The following STYXL2 variants were observed in gnomAD, a reference collection of about 807,000 sequenced individuals.
STYXL2 encodes the protein serine/threonine/tyrosine-interacting-like protein 2.
In STYXL2, 44 loss-of-function variants were observed where a neutral mutation model predicts 52.4. The observed-to-expected ratio is 0.84, with a 90% CI of 0.66 to 1.08. The LOEUF is 1.08. Ranked by LOEUF, STYXL2 falls within the 50% of genes least tolerant of loss-of-function variation. STYXL2 has a pLI of 0.00. For missense variants in STYXL2, 1,604 were observed against 1,471.7 expected (o/e 1.09, Z -1.47); for synonymous variants, 604 against 586.9 (o/e 1.03, Z -0.42).
intron 3 of STYXL2, among the ~76,000 whole-genome samples, 183 bp from the exon 4 acceptor site, chr1:167,117,145 G>C (rs944870412): frequency 3.3e-5 from 5 of 152,218 alleles, no homozygotes; most frequent in Admixed American, 2.0e-4. Context: ...CTGATTACAA[G>C]TGTTTGGGCC....
chr1:167,111,629 G>A (rs1479463843), intron 2 of STYXL2, among the ~76,000 whole-genome samples: 1 of 151,536 alleles, frequency 6.6e-6, no homozygotes, highest in Non-Finnish European at 1.5e-5. Flanking sequence ...ATTATTGTAA[G>A]TGAAGTAACT....
intron 2 of STYXL2, among the ~76,000 whole-genome samples, chr1:167,113,488 A>T (rs535791732): frequency 6.6e-6 from 1 of 152,346 alleles, no homozygotes; most frequent in African/African-American, 2.4e-5. Flanking sequence ...ATTAAACATC[A>T]CACACCATCA....
intron 2 of STYXL2, among the ~76,000 whole-genome samples, chr1:167,112,093 C>T (rs1275794259): frequency 6.6e-6 from 1 of 152,098 alleles, no homozygotes; most frequent in African/African-American, 2.4e-5. Flanking sequence ...ACAAAGCTCA[C>T]CCTTAATCCA....
At chr1:167,106,037 A>T (rs1367924209) in intron 2 of STYXL2, among the ~76,000 whole-genome samples, 1 of 152,226 alleles carries the variant, frequency 6.6e-6, no homozygotes, top group Non-Finnish European at 1.5e-5. Flanking sequence ...AGAAGGAAAG[A>T]TGTTTCACAG....
Position 167,126,539 on chromosome 1 carries a change from T to C in STYXL2, c.1408T>C (p.Ser470Pro), listed in dbSNP as rs527890632. The change falls in exon 6 of 6, where the codon TCG becomes CCG. Residue 470 changes from serine (S) to proline (P), a missense_variant. Physicochemically the swap from Ser to Pro is moderately conservative, Grantham distance 74. Coordinates refer to ENST00000361200, the MANE Select transcript of STYXL2 (RefSeq NM_001080426.3). ...CCACGGCAGGAGGCGCCGCGCAGAC[T>C]CGATGTCCTCGGAGAGCACCTGGGA... The part of the protein sequence containing the change: ...PDHGRRRRAD[S>P]MSSESTWDAW... The C allele has an allele frequency of 1.9e-6, 3 of 1,613,630 alleles. No individual in the cohort carries two copies. The highest frequency in any genetic ancestry group is 4.5e-5 in the East Asian group (2 of 44,796).
chr1:167,094,917 G>A lies in STYXL2; in HGVS notation c.68G>A (p.Arg23Lys). 1 of 1,612,098 alleles carries A rather than the reference G, an allele frequency of 6.2e-7. No homozygotes were observed. Residue 23 changes from arginine to lysine, a missense_variant, in exon 2 of 6, where the codon AGG (arginine) becomes AAG (lysine). Physicochemically the swap from Arg to Lys is conservative, Grantham distance 26. Transcript: ENST00000361200. ...VPSEEDEANV[R>K]AVQAHYLRSP... is the part of the protein sequence containing the mutation. ...AGCGAGGAGGACGAAGCCAACGTGA[G>A]GGCGGTGCAGGCCCACTACCTCCGA...
intron 2 of STYXL2, among the ~76,000 whole-genome samples, chr1:167,112,626 T>A (rs115842227): frequency 8.7e-4 from 132 of 152,286 alleles, no homozygotes; most frequent in African/African-American, 2.9e-3. Context: ...CTAATCTAAA[T>A]GGTATCTGTG....
In STYXL2 at chr1:167,126,842, G is replaced by C. The variant is rs757874206; in HGVS notation, c.1711G>C (p.Gly571Arg). 1.2e-6 allele frequency: 2 copies of C among 1,614,150 alleles called. No individual in the cohort carries two copies. The change falls in exon 6 of 6, where the codon GGT becomes CGT. Residue 571 changes from glycine to arginine, a missense_variant. By Grantham distance (125) the Gly-to-Arg change is moderately radical. Transcript: ENST00000361200. ...AGCGGGAGACAGCAGCGGTGAGCCC[G>C]GTGCAGAGGAGGCAGTAGGGGAGAA... The part of the protein sequence containing the change: ...LGAGDSSGEP[G>R]AEEAVGEKNP...
Position 167,126,423 on chromosome 1 carries a change from G to C in STYXL2, c.1292G>C (p.Arg431Pro), listed in dbSNP as rs1408634050. Reference sequence around the variant, plus strand: ...GCTGGCTCCTCGGTGGGGAGGCGGCGGCGCACCCTGAGCGAGAGCAGCGCC... The same window carrying C: ...GCTGGCTCCTCGGTGGGGAGGCGGCCGCGCACCCTGAGCGAGAGCAGCGCC... ...SDAGSSVGRR[R>P]RTLSESSAWE... The change falls in exon 6 of 6, where the codon CGG becomes CCG. Residue 431 changes from arginine (R) to proline (P), a missense_variant. Physicochemically the swap from Arg to Pro is moderately radical, Grantham distance 103 (BLOSUM62 -2). Transcript: ENST00000361200. 15 of 1,562,644 alleles carry C rather than the reference G, an allele frequency of 9.6e-6. No homozygotes were observed. In the African/African-American group the frequency reaches 1.9e-4, roughly 20 times the overall value.
chr1:167,126,335 A>T lies in STYXL2; in HGVS notation c.1204A>T (p.Arg402Trp), dbSNP rs1166918599. Residue 402 changes from arginine to tryptophan, a missense_variant, in exon 6 of 6, where the codon AGG becomes TGG. Arg to Trp is a moderately radical substitution (Grantham distance 101, BLOSUM62 -3). Transcript: ENST00000361200. ...CCAGGAGTGGCAGAGCCGAAACGAG[A>T]GGTACCAAGCAGAAGGGTACCGGAG... ...IIQEWQSRNE[R>W]YQAEGYRRWG... 2 of 1,522,842 alleles carry T rather than the reference A, an allele frequency of 1.3e-6. No individual in the cohort carries two copies. The highest frequency in any genetic ancestry group is 1.8e-6 in the Non-Finnish European group (2 of 1,132,692). 94.3% of individuals were successfully genotyped at this position (1,522,842 alleles called of 1,614,324 possible). A position where few individuals can be genotyped will look rare whatever the true frequency, so the allele number is the denominator to read the frequency against.
intron 2 of STYXL2, among the ~76,000 whole-genome samples, chr1:167,112,979 C>A (rs1259118446): frequency 3.3e-5 from 5 of 152,120 alleles, no homozygotes. Context: ...GTCCCATCCC[C>A]ACCGCCATAG....
At chr1:167,110,313 G>T (rs1437039491) in intron 2 of STYXL2, among the ~76,000 whole-genome samples, 2 of 152,098 alleles carry the variant, frequency 1.3e-5, no homozygotes, top group Admixed American at 6.5e-5. Context: ...GACAAAGCAA[G>T]GTTCTTTAAC....
At position 167,113,842 on chromosome 1, in the gene STYXL2, T is replaced by A. The variant is rs182349253; in HGVS notation, c.205+38T>A. ...AAAGCTGGGTGGAAGCAAAGTCCAG[T>A]GGTCATCTGGAGACCCTTAGAGGGG... On this transcript the variant is annotated intron_variant, in intron 3 of 5. Coordinates refer to ENST00000361200, the MANE Select transcript of STYXL2 (RefSeq NM_001080426.3). 5 of 1,507,164 alleles carry A rather than the reference T, an allele frequency of 3.3e-6. No homozygotes were observed. In the African/African-American group the frequency reaches 4.1e-5, roughly 12 times the overall value. The allele number at this position is 1,507,164 out of a possible 1,614,324, so 93.4% of individuals were successfully genotyped here.
At chr1:167,101,861 G>C (rs958459087) in intron 2 of STYXL2, among the ~76,000 whole-genome samples, 1 of 151,732 alleles carries the variant, frequency 6.6e-6, no homozygotes, top group Non-Finnish European at 1.5e-5. Flanking sequence ...TTCATAGCAG[G>C]TTTATTTGTA....
chr1:167,116,330 C>A (rs1667721131), intron 3 of STYXL2, among the ~76,000 whole-genome samples: 2 of 152,114 alleles, frequency 1.3e-5, no homozygotes, highest in South Asian at 4.1e-4. Flanking sequence ...GCTTTTCTGA[C>A]CTGTTGTCAG....
intron 2 of STYXL2, 48 bp downstream of exon 2, chr1:167,095,007 C>CT (rs1667253926): frequency 2.7e-6 from 4 of 1,461,634 alleles, no homozygotes; most frequent in Admixed American, 2.0e-5. Context: ...CTGGGAGGGG[C>CT]TGGGGACAGG....
In STYXL2 at chr1:167,126,190, G is replaced by A. The variant is rs1232043619; in HGVS notation, c.1059G>A (p.Gln353=). ...AGGAGGAGGAGAAACTGTACGAGCAGTGGAAGAAGGGGCAGGGCCTCCTCT... is the reference window on the plus strand; with the variant it reads ...AGGAGGAGGAGAAACTGTACGAGCAATGGAAGAAGGGGCAGGGCCTCCTCT... ...DEEEEEKLYE[Q]WKKGQGLLSD... is the part of the protein sequence containing the mutation. Residue 353 remains glutamine, a synonymous_variant, in exon 6 of 6, where the codon CAG becomes CAA. Coordinates refer to ENST00000361200, the MANE Select transcript of STYXL2 (RefSeq NM_001080426.3). 3 of 1,524,926 alleles carry A rather than the reference G, an allele frequency of 2.0e-6. No homozygotes were observed. The highest frequency in any genetic ancestry group is 1.8e-4 in the Middle Eastern group (1 of 5,686). The allele number at this position is 1,524,926 out of a possible 1,614,324, so 94.5% of individuals were successfully genotyped here.
chr1:167,113,474 T>C (rs1016964870), intron 2 of STYXL2, among the ~76,000 whole-genome samples: 3 of 152,210 alleles, frequency 2.0e-5, no homozygotes, highest in African/African-American at 7.2e-5. Context: ...TAGACCACCA[T>C]GTCATTAAAC....
intron 2 of STYXL2, among the ~76,000 whole-genome samples, chr1:167,100,898 A>T (rs570428560): frequency 6.6e-6 from 1 of 152,362 alleles, no homozygotes; most frequent in East Asian, 1.9e-4. Context: ...ATGGCCTCAT[A>T]AAATCTGAAC....
Sources: allele counts gnomAD v4.1 joint callset (sites outside exome capture counted in the v4.1 genomes callset), GRCh38; gene constraint gnomAD v4.1.1; transcripts MANE v1.5; gene names NCBI Gene and HGNC (gene_info 2026-07-23, HGNC 2026-07-21).